Variants in FAM171A1 observed in about 807,000 individuals in gnomAD.
FAM171A1 encodes the protein family with sequence similarity 171 member A1, also known as protein FAM171A1.
Under a neutral mutation model 74.9 loss-of-function variants are expected in FAM171A1, and 23 were observed. The ratio of observed to expected loss-of-function variants is 0.31; its 90% confidence interval spans 0.22 to 0.44. The LOEUF (loss-of-function observed/expected upper bound fraction) is 0.44. Among genes scored for constraint, FAM171A1 ranks in the 20% least tolerant of loss-of-function variants. FAM171A1 has a pLI of 1.00. For missense variants in FAM171A1, 1,162 were observed against 1,159.2 expected (o/e 1.00, Z -0.03); for synonymous variants, 527 against 505.7 (o/e 1.04, Z -0.57).
intron 3 of FAM171A1, among the ~76,000 whole-genome samples, chr10:15,271,179 G>C (rs929159208): frequency 4.6e-5 from 7 of 152,176 alleles, no homozygotes; most frequent in African/African-American, 1.7e-4. Context: ...ACAGCGTAGA[G>C]AAGACCTTAA....
chr10:15,300,894 C>T (rs2131827230), intron 1 of FAM171A1, among the ~76,000 whole-genome samples: 1 of 152,308 alleles, frequency 6.6e-6, no homozygotes, highest in African/African-American at 2.4e-5. Context: ...TGTTTCCCAA[C>T]ATTTGACTCT....
intron 1 of FAM171A1, among the ~76,000 whole-genome samples, chr10:15,369,290 T>C (rs1479042737): frequency 6.6e-6 from 1 of 151,546 alleles, no homozygotes; most frequent in Non-Finnish European, 1.5e-5. Context: ...TATTTCCATA[T>C]ATTGGTATTT....
chr10:15,212,607 G>A lies in FAM171A1; in HGVS notation c.*308C>T. ...AGGGAGAACTGAGGTGATCGTTAGA[G>A]CATAGCGACATCACGTGCGGTTTCT... On this transcript the variant is annotated 3_prime_UTR_variant, in exon 8 of 8. Coordinates refer to ENST00000378116, the MANE Select transcript of FAM171A1 (RefSeq NM_001010924.2). 1 of 409,120 alleles carries A rather than the reference G, an allele frequency of 2.4e-6. No homozygotes were observed. The highest frequency in any genetic ancestry group is 4.4e-6 in the Non-Finnish European group (1 of 226,478). The allele number at this position is 409,120 out of a possible 1,614,324, so 25.3% of individuals were successfully genotyped here.
intron 4 of FAM171A1, among the ~76,000 whole-genome samples, chr10:15,253,339 T>G (rs1176726057): frequency 6.6e-6 from 1 of 152,084 alleles, no homozygotes; most frequent in East Asian, 1.9e-4. Flanking sequence ...AAACAAGACT[T>G]TTCTCCCAGA....
At chr10:15,221,934 G>A (rs1400517111) in intron 5 of FAM171A1, among the ~76,000 whole-genome samples, 3 of 152,140 alleles carry the variant, frequency 2.0e-5, no homozygotes, top group Admixed American at 1.3e-4. Context: ...GAAGTTTCTA[G>A]GAGCAAACTC....
At chr10:15,248,552 G>A (rs1834463794) in intron 5 of FAM171A1, 87 bp downstream of exon 5, 2 of 1,389,360 alleles carry the variant, frequency 1.4e-6, no homozygotes. Context: ...TTCAAGGAAA[G>A]GAGACTTCCA....
chr10:15,258,219 C>T (rs1160845307), intron 3 of FAM171A1, among the ~76,000 whole-genome samples: 1 of 151,938 alleles, frequency 6.6e-6, no homozygotes, highest in Non-Finnish European at 1.5e-5. Flanking sequence ...CACCACCACA[C>T]CTGGCTAATT....
At position 15,213,205 on chromosome 10, in the gene FAM171A1, C is replaced by T. The variant is rs200146894; in HGVS notation, c.2383G>A (p.Glu795Lys). 3.2e-5 allele frequency: 52 copies of T among 1,614,026 alleles called. No individual in the cohort carries two copies. Among genetic ancestry groups the T allele is most frequent in the Admixed American group, 1.2e-4 (7 of 60,002 alleles). ...GTCCCACATTCGCTACCACTCTGTT[C>T]CACGTCATCCAGGTACACGAGCTGC... ...YTQLVYLDDV[E>K]QSGSECGTTV... Residue 795 changes from glutamate to lysine, a missense_variant, in exon 8 of 8, where the codon GAA (glutamate) becomes AAA (lysine). Physicochemically the swap from Glu to Lys is moderately conservative, Grantham distance 56 (BLOSUM62 1). Transcript: ENST00000378116. The surrounding 1 kb of genome is among the most constrained non-coding windows in gnomAD (Gnocchi z 6.8).
intron 1 of FAM171A1, among the ~76,000 whole-genome samples, chr10:15,353,397 T>C (rs1835900449): frequency 1.3e-5 from 2 of 152,152 alleles, no homozygotes; most frequent in African/African-American, 4.8e-5. Context: ...CTCAGAATAA[T>C]CACAGATTTT....
At chr10:15,363,905 C>T (rs1836027044) in intron 1 of FAM171A1, among the ~76,000 whole-genome samples, 1 of 152,168 alleles carries the variant, frequency 6.6e-6, no homozygotes, top group South Asian at 2.1e-4. Flanking sequence ...CCCTCATCAG[C>T]ATGGGGGCTT....
rs145647696 is a variant in FAM171A1, at chr10:15,265,936, G to C, written c.418+9919C>G. ...ACGTGAGGGACAATAAGGGAGGTGA[G>C]GACCTGTGGCTCCAAGAACAGGAGC... On this transcript the variant is annotated intron_variant, in intron 3 of 7. Coordinates refer to ENST00000378116, the MANE Select transcript of FAM171A1 (RefSeq NM_001010924.2). 4.0e-3 allele frequency among the ~76,000 whole-genome samples: 613 copies of C among 152,250 alleles called. 1 individual carries two copies. Among genetic ancestry groups the C allele is most frequent in the African/African-American group, 0.014 (584 of 41,534 alleles).
At chr10:15,255,561 G>GGA (rs368935663) in intron 3 of FAM171A1, among the ~76,000 whole-genome samples, 2 of 152,284 alleles carry the variant, frequency 1.3e-5, no homozygotes, top group African/African-American at 4.8e-5. Context: ...CCTTTGTGTA[G>GGA]GAGGACAGGT....
chr10:15,366,574 G>C (rs1588574415), intron 1 of FAM171A1, among the ~76,000 whole-genome samples: 1 of 152,244 alleles, frequency 6.6e-6, no homozygotes, highest in Non-Finnish European at 1.5e-5. Context: ...TCTATAACTT[G>C]ATCAAACTAT....
At chr10:15,334,725 C>T (rs865859680) in intron 1 of FAM171A1, among the ~76,000 whole-genome samples, 1 of 152,174 alleles carries the variant, frequency 6.6e-6, no homozygotes, top group Admixed American at 6.5e-5. Context: ...TGTGAAACCC[C>T]AGATCTTCTA....
At chr10:15,216,194 T>G (rs1833964800) in intron 6 of FAM171A1, 84 bp from the exon 7 acceptor site, 3 of 852,286 alleles carry the variant, frequency 3.5e-6, no homozygotes, top group Non-Finnish European at 3.6e-6. Flanking sequence ...CAGTGTCTTG[T>G]GCTTACTCTT....
rs959981894 is a variant in FAM171A1, at chr10:15,348,434, G to A, written c.97+22522C>T. On this transcript the variant is annotated intron_variant, in intron 1 of 7. Transcript: ENST00000378116. ...ATTACAGGCGTGAGCCCCCATGCCC[G>A]GCCTCTAGGTAGCTTTCTTAAATTG... Among the ~76,000 whole-genome samples, 3 of 152,192 alleles carry A rather than the reference G, an allele frequency of 2.0e-5. No homozygotes were observed. The East Asian group carries it at 5.8e-4, about 29-fold the overall frequency.
chr10:15,233,220 G>A (rs573260511), intron 5 of FAM171A1, among the ~76,000 whole-genome samples: 8 of 152,216 alleles, frequency 5.3e-5, no homozygotes, highest in East Asian at 3.9e-4. Context: ...GTGTGAACCC[G>A]GGAGGCGGAG....
chr10:15,326,516 T>C (rs546398856), intron 1 of FAM171A1, among the ~76,000 whole-genome samples: 11 of 152,078 alleles, frequency 7.2e-5, no homozygotes, highest in Non-Finnish European at 1.5e-4. Context: ...GGTTTTGCCA[T>C]GTTGGTCAGG....
At chr10:15,289,013 G>C (rs1165629638) in intron 1 of FAM171A1, among the ~76,000 whole-genome samples, 1 of 151,884 alleles carries the variant, frequency 6.6e-6, no homozygotes, top group East Asian at 1.9e-4. Context: ...GTGGAGACAG[G>C]GTTTCTCCAT....
Sources: gnomAD v4.1 joint callset for allele counts (sites outside exome capture counted in the v4.1 genomes callset) on GRCh38, gnomAD v4.1.1 for gene constraint, Gnocchi (gnomAD v3.1) non-coding constraint, MANE v1.5 for transcripts, NCBI Gene and HGNC (gene_info 2026-07-23, HGNC 2026-07-21) for gene names.